Variants in WDFY4 observed in about 807,000 individuals in gnomAD.
WDFY4 encodes the protein WD repeat- and FYVE domain-containing protein 4.
In WDFY4, 169 loss-of-function variants were observed where a neutral mutation model predicts 351.9. The ratio of observed to expected loss-of-function variants is 0.48; its 90% CI spans 0.42 to 0.55. The LOEUF (loss-of-function observed/expected upper bound fraction) is 0.55. WDFY4 is among the 20% of genes least tolerant of loss of function. WDFY4 has a pLI of 0.00. For synonymous variants in WDFY4, 1,622 were observed against 1,574.6 expected (o/e 1.03, Z -0.71); for missense variants, 3,803 against 3,935.6 (o/e 0.97, Z 0.90).
At chr10:48,916,905 G>A (rs1459558298) in intron 47 of WDFY4, among the ~76,000 whole-genome samples, 3 of 143,070 alleles carry the variant, frequency 2.1e-5, no homozygotes, top group Non-Finnish European at 3.1e-5. Flanking sequence ...GTGTGTGTGT[G>A]TGTGTACAAC....
rs560510468 is a variant in WDFY4 at position 48,720,468 on chromosome 10, CACAGAGAT to C, written c.349+351_349+358del. On this transcript the variant is annotated intron_variant, in intron 3 of 61. Transcript: ENST00000325239. Reference sequence around the variant, plus strand: ...CATTATACACAGATACACATAGACACACAGAGATACAGAGACACATACACATACACTAC... The same window carrying C: ...CATTATACACAGATACACATAGACACACAGAGACACATACACATACACTAC... Among the ~76,000 whole-genome samples the C allele has an allele frequency of 5.6e-3, 854 of 152,012 alleles. 5 individuals carry two copies. The highest frequency in any genetic ancestry group is 0.015 in the South Asian group (72 of 4,794).
intron 43 of WDFY4, among the ~76,000 whole-genome samples, chr10:48,877,581 C>T (rs141269961): frequency 1.3e-5 from 2 of 152,222 alleles, no homozygotes; most frequent in Admixed American, 1.3e-4. Context: ...TGAGAGGTCC[C>T]ACACCTTGAG....
At chr10:48,908,126 C>A (rs1337975198) in intron 47 of WDFY4, among the ~76,000 whole-genome samples, 2 of 152,244 alleles carry the variant, frequency 1.3e-5, no homozygotes, top group Non-Finnish European at 2.9e-5. Flanking sequence ...GTATCCTTAG[C>A]CGTAACCTCA....
At chr10:48,931,380 C>A (rs376666085) in intron 47 of WDFY4, among the ~76,000 whole-genome samples, 31 of 152,300 alleles carry the variant, frequency 2.0e-4, no homozygotes, top group African/African-American at 7.2e-4. Context: ...GGGGGAGGAG[C>A]AGGCAGCCCA....
At chr10:48,891,541 C>T (rs1359584091) in intron 44 of WDFY4, among the ~76,000 whole-genome samples, 2 of 152,250 alleles carry the variant, frequency 1.3e-5, no homozygotes, top group Non-Finnish European at 2.9e-5. Flanking sequence ...CAGAGATAGG[C>T]CTTGCCTTTT....
intron 31 of WDFY4, 73 bp from the exon 32 acceptor site, chr10:48,817,172 C>A (rs1212679984): frequency 6.7e-7 from 1 of 1,502,658 alleles, no homozygotes; most frequent in Non-Finnish European, 9.0e-7. Context: ...TCTCCCTAGA[C>A]CTCAGCTCCT....
intron 56 of WDFY4, 76 bp from the exon 57 acceptor site, chr10:48,970,055 A>C: frequency 5.3e-4 from 782 of 1,472,970 alleles, no homozygotes; most frequent in Non-Finnish European, 6.5e-4. Flanking sequence ...ACTGGCCCAC[A>C]TACCCCCGTG....
chr10:48,769,553 G>A lies in WDFY4; in HGVS notation c.2554-4905G>A, dbSNP rs187160888. Among the ~76,000 whole-genome samples, 8 of 152,308 alleles carry A rather than the reference G, an allele frequency of 5.3e-5. No individual in the cohort carries two copies. In the East Asian group the frequency reaches 7.7e-4, roughly 15 times the overall value. ...ATCCAAGTTTGAGTAGCTCAGTAAAGCCCCTAGTGCTTTCAGAGTGTCTGG... is the reference window on the plus strand; with the variant it reads ...ATCCAAGTTTGAGTAGCTCAGTAAAACCCCTAGTGCTTTCAGAGTGTCTGG... On this transcript the variant is annotated intron_variant, in intron 13 of 61. Coordinates refer to ENST00000325239, the MANE Select transcript of WDFY4 (RefSeq NM_001394531.1).
intron 47 of WDFY4, among the ~76,000 whole-genome samples, chr10:48,930,803 T>C (rs1839948986): frequency 6.6e-6 from 1 of 151,956 alleles, no homozygotes; most frequent in African/African-American, 2.4e-5. Context: ...AAAAAAATTA[T>C]TTCCCAAAAA....
intron 12 of WDFY4, among the ~76,000 whole-genome samples, chr10:48,749,985 A>G (rs1180479911): frequency 6.6e-6 from 1 of 152,204 alleles, no homozygotes; most frequent in Non-Finnish European, 1.5e-5. Flanking sequence ...CTAAGGGGAC[A>G]TCATTTCAAC....
intron 1 of WDFY4, among the ~76,000 whole-genome samples, chr10:48,694,843 C>T (rs2063290510): frequency 6.6e-6 from 1 of 152,122 alleles, no homozygotes; most frequent in African/African-American, 2.4e-5. Flanking sequence ...CACCATATGT[C>T]CTAAGAAGAC....
rs112272273 is a variant in WDFY4 at position 48,948,508 on chromosome 10, A to G, written c.7977+1539A>G. On this transcript the variant is annotated intron_variant, in intron 51 of 61. Coordinates refer to ENST00000325239, the MANE Select transcript of WDFY4 (RefSeq NM_001394531.1). ...TGCCCCTTCAGGAGGCTGCATTATA[A>G]CCCAAAACCCCAGCTCTACCTGTTG... is the stretch of plus-strand genomic sequence containing the variant. Among the ~76,000 whole-genome samples the G allele has an allele frequency of 2.0e-3, 300 of 152,262 alleles. 1 individual carries two copies. The highest frequency in any genetic ancestry group is 6.8e-3 in the Middle Eastern group (2 of 294).
At chr10:48,981,573 G>GGCC in intron 61 of WDFY4, 95 bp downstream of exon 61, 1 of 1,175,566 alleles carries the variant, frequency 8.5e-7, no homozygotes, top group Non-Finnish European at 1.2e-6. Context: ...CCACCTGGCC[G>GGCC]AGGAGGCCAC....
rs778590499 is a variant in WDFY4 at position 48,805,334 on chromosome 10, C to A, written c.4559C>A (p.Pro1520Gln). The A allele has an allele frequency of 1.3e-6, 2 of 1,548,534 alleles. No individual in the cohort carries two copies. The highest frequency in any genetic ancestry group is 1.7e-6 in the Non-Finnish European group (2 of 1,146,866). ...IPKLIFLFNE[P>Q]SLIPSKISTI... Reference sequence around the variant, plus strand: ...AAGCTCATCTTCCTATTCAATGAGCCGAGCCTCATCCCCTCCAAGATCTCC... The same window carrying A: ...AAGCTCATCTTCCTATTCAATGAGCAGAGCCTCATCCCCTCCAAGATCTCC... The change falls in exon 26 of 62, where the codon CCG becomes CAG. Residue 1520 changes from proline to glutamine, a missense_variant. By Grantham distance (76) the Pro-to-Gln change is moderately conservative. Coordinates refer to ENST00000325239, the MANE Select transcript of WDFY4 (RefSeq NM_001394531.1).
chr10:48,800,796 G>A (rs1451640403), intron 24 of WDFY4, among the ~76,000 whole-genome samples: 9 of 146,404 alleles, frequency 6.1e-5, no homozygotes, highest in East Asian at 4.2e-4. Context: ...GCAGTGGTGC[G>A]ATCTCAGCTC....
At chr10:48,831,267 C>T (rs2068180074) in intron 38 of WDFY4, among the ~76,000 whole-genome samples, 1 of 152,218 alleles carries the variant, frequency 6.6e-6, no homozygotes. Flanking sequence ...TCCTCATGTC[C>T]TGTCACTTCA....
At chr10:48,931,095 A>AC (rs1839971160) in intron 47 of WDFY4, among the ~76,000 whole-genome samples, 1 of 31,040 alleles carries the variant, frequency 3.2e-5, no homozygotes, top group African/African-American at 6.4e-5. Flanking sequence ...ACTCACACTC[A>AC]AACACACACA....
At chr10:48,966,426 T>A in intron 54 of WDFY4, 100 bp from the exon 55 acceptor site, 1 of 1,341,842 alleles carries the variant, frequency 7.5e-7, no homozygotes, top group African/African-American at 1.5e-5. Context: ...AGCCGAGCTG[T>A]GGCAACCCCC....
intron 39 of WDFY4, among the ~76,000 whole-genome samples, chr10:48,849,005 T>C (rs939666648): frequency 6.6e-6 from 1 of 152,132 alleles, no homozygotes; most frequent in Non-Finnish European, 1.5e-5. Context: ...GGGGGTGGTA[T>C]CTACCTTGGC....
Sources: gnomAD v4.1 joint callset for allele counts (sites outside exome capture counted in the v4.1 genomes callset) on GRCh38, gnomAD v4.1.1 for gene constraint, MANE v1.5 for transcripts, NCBI Gene and HGNC (gene_info 2026-07-23, HGNC 2026-07-21) for gene names.